Variants in CFAP43 observed in about 807,000 individuals in gnomAD.
The protein encoded by CFAP43 is cilia and flagella associated protein 43, also known as cilia- and flagella-associated protein 43.
Under a neutral mutation model 218.9 loss-of-function variants are expected in CFAP43, and 155 were observed. The ratio of observed to expected loss-of-function variants is 0.71; its 90% CI spans 0.62 to 0.81. The LOEUF is 0.81. Ranked by LOEUF, CFAP43 falls within the 30% of genes least tolerant of loss-of-function variation. The pLI, the probability that CFAP43 is intolerant of heterozygous loss-of-function variation, is 0.00. For missense variants in CFAP43, 1,778 were observed against 1,954.3 expected (o/e 0.91, Z 1.70); for synonymous variants, 645 against 681.3 (o/e 0.95, Z 0.83).
Position 104,164,137 on chromosome 10 carries a change from T to C in CFAP43, c.3203A>G (p.Asp1068Gly). 1 of 1,614,196 alleles carries C rather than the reference T, an allele frequency of 6.2e-7. No homozygotes were observed. The highest frequency in any genetic ancestry group is 8.5e-7 in the Non-Finnish European group (1 of 1,180,030). The change falls in exon 24 of 38, where the codon GAC becomes GGC. Residue 1068 changes from aspartate to glycine, a missense_variant. Physicochemically the swap from Asp to Gly is moderately conservative, Grantham distance 94 (BLOSUM62 -1). Coordinates refer to ENST00000357060, the MANE Select transcript of CFAP43 (RefSeq NM_025145.7). ...EEAVWQPEFEDCEKPERTLVV... is the reference protein window; with the variant it reads ...EEAVWQPEFEGCEKPERTLVV... ...AAGCGTTCTCTCTGGCTTCTCACAG[T>C]CTTCAAATTCTGGTTGCCAGACTGC... is the stretch of plus-strand genomic sequence containing the variant.
At chr10:104,142,839 A>C (rs376612328) in intron 32 of CFAP43, among the ~76,000 whole-genome samples, 2 of 152,284 alleles carry the variant, frequency 1.3e-5, no homozygotes, top group South Asian at 4.1e-4. Flanking sequence ...GCAAAACTAT[A>C]AAGTTGGTTC....
At chr10:104,228,821 C>T (rs1047149944) in intron 2 of CFAP43, among the ~76,000 whole-genome samples, 1 of 152,092 alleles carries the variant, frequency 6.6e-6, no homozygotes, top group Non-Finnish European at 1.5e-5. Flanking sequence ...AGCAGACTAT[C>T]GCATTATCCA....
intron 19 of CFAP43, among the ~76,000 whole-genome samples, chr10:104,178,397 A>T (rs2089706216): frequency 6.6e-6 from 1 of 152,254 alleles, no homozygotes; most frequent in Non-Finnish European, 1.5e-5. Context: ...AAGAAAAATC[A>T]AGTTGTAAAA....
chr10:104,161,127 A>T lies in CFAP43; in HGVS notation c.3450T>A (p.Asp1150Glu), dbSNP rs143276654. The T allele has an allele frequency of 1.4e-5, 23 of 1,613,722 alleles. No homozygotes were observed. The African/African-American group carries it at 2.8e-4, about 20-fold the overall frequency. ...IPQPAFMAKP[D>E]AVWTEEERKQ... ...TTCTTTCTTCTTCAGTCCACACAGC[A>T]TCAGGTTTTGCCATGAAAGCAGGTT... is the stretch of plus-strand genomic sequence containing the variant. Residue 1150 changes from aspartate (D) to glutamate (E), a missense_variant, in exon 27 of 38, where the codon GAT becomes GAA. Asp to Glu is a conservative substitution (Grantham distance 45, BLOSUM62 2). This residue lies in a region of CFAP43 where 1,553 missense variants were observed against 1,685.2 expected (regional missense o/e 0.92). Coordinates refer to ENST00000357060, the MANE Select transcript of CFAP43 (RefSeq NM_025145.7).
At chr10:104,206,385 G>A (rs1245765996) in intron 6 of CFAP43, among the ~76,000 whole-genome samples, 1 of 152,210 alleles carries the variant, frequency 6.6e-6, no homozygotes, top group Non-Finnish European at 1.5e-5. Flanking sequence ...CAGATTCAGA[G>A]ACAGTAAGTG....
At chr10:104,213,770 C>T (rs1194491023) in intron 4 of CFAP43, among the ~76,000 whole-genome samples, 13 of 152,230 alleles carry the variant, frequency 8.5e-5, no homozygotes, top group African/African-American at 2.9e-4. Flanking sequence ...CTCCTGACCT[C>T]GTGATCCGCC....
Position 104,164,379 on chromosome 10 carries a change from C to T in CFAP43, c.3040-79G>A, listed in dbSNP as rs553758811. The T allele has an allele frequency of 2.3e-5, 27 of 1,182,862 alleles. No individual in the cohort carries two copies. In the African/African-American group the frequency reaches 3.6e-4, roughly 16 times the overall value. 73.3% of individuals were successfully genotyped at this position (1,182,862 alleles called of 1,614,324 possible). Reference sequence around the variant, plus strand: ...AACATGATCCCACAATTATACTTTCCCTCTAAAATCATTCCACAAATTTTT... The same window carrying T: ...AACATGATCCCACAATTATACTTTCTCTCTAAAATCATTCCACAAATTTTT... On this transcript the variant is annotated intron_variant, in intron 23 of 37. Transcript: ENST00000357060.
rs528336276 is a variant in CFAP43 at position 104,184,638 on chromosome 10, G to A, written c.2141+378C>T. On this transcript the variant is annotated intron_variant, in intron 16 of 37. Transcript: ENST00000357060. ...CCTCCTCTAGTGGGCTTTCACAATC[G>A]GGGCCACCATTTCCCCACCCTAATC... 1.3e-3 allele frequency among the ~76,000 whole-genome samples: 197 copies of A among 151,936 alleles called. 2 individuals carry two copies. Among genetic ancestry groups the A allele is most frequent in the Non-Finnish European group, 1.9e-3 (129 of 67,966 alleles).
chr10:104,193,697 T>C (rs2090297911), intron 11 of CFAP43, 169 bp downstream of exon 11: 4 of 896,352 alleles, frequency 4.5e-6, no homozygotes, highest in Non-Finnish European at 6.4e-6. Context: ...TGGGGGGTAC[T>C]TTACTACACA....
At chr10:104,166,794 A>C (rs1029991453) in intron 22 of CFAP43, 76 bp from the exon 23 acceptor site, 6 of 1,254,308 alleles carry the variant, frequency 4.8e-6, no homozygotes, top group Non-Finnish European at 3.3e-6. Flanking sequence ...TGACAACTTA[A>C]TTATTTCAAC....
chr10:104,147,986 T>C lies in CFAP43; in HGVS notation c.3673A>G (p.Ile1225Val). 1.3e-6 allele frequency: 2 copies of C among 1,583,434 alleles called. No homozygotes were observed. The highest frequency in any genetic ancestry group is 1.7e-4 in the Middle Eastern group (1 of 5,906). Reference sequence around the variant, plus strand: ...AATAAAGAAAATGCAAGGTTACTTATTTTCAGTTCCTCCTGTAGAAATATT... The same window carrying C: ...AATAAAGAAAATGCAAGGTTACTTACTTTCAGTTCCTCCTGTAGAAATATT... Reference protein sequence around the residue: ...EMVTNQEELKISNLAFSLLLD... With the variant: ...EMVTNQEELKVSNLAFSLLLD... Residue 1225 changes from isoleucine to valine, a missense_variant, in exon 29 of 38, where the codon ATA (isoleucine) becomes GTA (valine). Coordinates refer to ENST00000357060, the MANE Select transcript of CFAP43 (RefSeq NM_025145.7).
chr10:104,140,236 T>C (rs2087644175), intron 34 of CFAP43, among the ~76,000 whole-genome samples: 1 of 152,192 alleles, frequency 6.6e-6, no homozygotes, highest in Non-Finnish European at 1.5e-5. Context: ...TCTAAGATTA[T>C]CTTTGCCTGA....
Position 104,143,500 on chromosome 10 carries a change from G to T in CFAP43, c.4084C>A (p.Pro1362Thr), listed in dbSNP as rs144398828. 4 of 1,614,026 alleles carry T rather than the reference G, an allele frequency of 2.5e-6. No individual in the cohort carries two copies. Among genetic ancestry groups the T allele is most frequent in the South Asian group, 2.2e-5 (2 of 91,094 alleles). Residue 1362 changes from proline (P) to threonine (T), a missense_variant, in exon 32 of 38, where the codon CCA becomes ACA. This residue lies in a region of CFAP43 where 1,553 missense variants were observed against 1,685.2 expected (regional missense o/e 0.92). Transcript: ENST00000357060. ...MDELDNISNM[P>T]EGLDPLVWNH... ...CAGACCAAAGGGTCCAAGCCTTCTG[G>T]CATGTTACTAATATTGTCCAACTCA...
At chr10:104,135,544 A>G (rs911918924) in intron 34 of CFAP43, among the ~76,000 whole-genome samples, 1 of 152,228 alleles carries the variant, frequency 6.6e-6, no homozygotes, top group Non-Finnish European at 1.5e-5. Flanking sequence ...TGCAGAGTAT[A>G]AGATTAATAT....
rs376960105 is a variant in CFAP43 at position 104,218,004 on chromosome 10, G to A, written c.417-3578C>T. On this transcript the variant is annotated intron_variant, in intron 3 of 37. Transcript: ENST00000357060. ...CAGAGAAACTGCTTAGACAACACTT[G>A]CTTGCGCCGTAAATACATATGGCAA... 1.1e-4 allele frequency among the ~76,000 whole-genome samples: 17 copies of A among 152,286 alleles called. No individual in the cohort carries two copies. The South Asian group carries it at 3.3e-3, about 30-fold the overall frequency.
intron 31 of CFAP43, 52 bp downstream of exon 31, chr10:104,145,424 C>T: frequency 1.5e-6 from 2 of 1,317,602 alleles, no homozygotes; most frequent in Admixed American, 3.6e-5. Flanking sequence ...TAACACTCCT[C>T]TTTATTTGCA....
At chr10:104,159,451 AG>A (rs1380691816) in intron 27 of CFAP43, among the ~76,000 whole-genome samples, 1 of 152,210 alleles carries the variant, frequency 6.6e-6, no homozygotes, top group African/African-American at 2.4e-5. Context: ...GAAAATCCAC[AG>A]GGTGGGAAAA....
chr10:104,227,732 A>G (rs1156878955), intron 2 of CFAP43, among the ~76,000 whole-genome samples: 1 of 151,976 alleles, frequency 6.6e-6, no homozygotes, highest in African/African-American at 2.4e-5. Context: ...ATCAGTTTAA[A>G]ACAGATATAC....
chr10:104,223,665 T>C (rs613401), intron 3 of CFAP43, among the ~76,000 whole-genome samples: 31,689 of 122,048 alleles, frequency 0.26, 5,617 homozygotes, highest in African/African-American at 0.52. Flanking sequence ...TGTCATCTCT[T>C]CCCAGCTGCT....
Sources: gnomAD v4.1 joint callset for allele counts (sites outside exome capture counted in the v4.1 genomes callset) on GRCh38, gnomAD v4.1.1 for gene constraint, gnomAD v4.1.1 regional missense constraint, MANE v1.5 for transcripts, NCBI Gene and HGNC (gene_info 2026-07-23, HGNC 2026-07-21) for gene names.